NKAIN1: variants seen among roughly 807,000 people sequenced by gnomAD.
NKAIN1 encodes sodium/potassium transporting ATPase interacting 1, also known as sodium/potassium-transporting ATPase subunit beta-1-interacting protein 1.
In NKAIN1, 13 loss-of-function variants were observed where a neutral mutation model predicts 31.6. That is an observed-to-expected ratio of 0.41 (90% CI 0.27 to 0.65). NKAIN1 has a LOEUF of 0.65. NKAIN1 is among the 30% of genes least tolerant of loss of function. NKAIN1 has a pLI of 0.30. For missense variants in NKAIN1, 193 were observed against 262.2 expected (o/e 0.74, Z 1.82); for synonymous variants, 104 against 109.0 (o/e 0.95, Z 0.28).
intron 1 of NKAIN1, among the ~76,000 whole-genome samples, chr1:31,213,439 T>C (rs1214512308): frequency 1.3e-5 from 2 of 152,198 alleles, no homozygotes; most frequent in African/African-American, 4.8e-5. Flanking sequence ...CAAGTGTTGA[T>C]GATGCAGAGA....
chr1:31,186,630 A>G (rs1382162582), intron 2 of NKAIN1, among the ~76,000 whole-genome samples: 1 of 151,856 alleles, frequency 6.6e-6, no homozygotes, highest in African/African-American at 2.4e-5. Context: ...GGGTGAGCAG[A>G]CCAAACTGAG....
intron 1 of NKAIN1, among the ~76,000 whole-genome samples, chr1:31,215,236 G>C (rs1645501933): frequency 6.6e-6 from 1 of 152,214 alleles, no homozygotes; most frequent in South Asian, 2.1e-4. Flanking sequence ...AGTCTGCCTA[G>C]CAACAGCAGT....
In NKAIN1 at chr1:31,188,069, C is replaced by T. The variant is rs1316648068; in HGVS notation, c.173G>A (p.Arg58His). 1.9e-5 allele frequency: 30 copies of T among 1,553,354 alleles called. No individual in the cohort carries two copies. The highest frequency in any genetic ancestry group is 1.7e-4 in the Middle Eastern group (1 of 6,012). The change falls in exon 2 of 7, where the codon CGC (arginine) becomes CAC (histidine). Residue 58 changes from arginine to histidine, a missense_variant. By Grantham distance (29) the Arg-to-His change is conservative. Transcript: ENST00000373736. ...ILGIFGTVQY[R>H]SRYLILYAAW... Reference sequence around the variant, plus strand: ...CCGTACCAGGATGAGGTACCGGGAGCGGTACTGCACGGTGCCAAAGATGCC... The same window carrying T: ...CCGTACCAGGATGAGGTACCGGGAGTGGTACTGCACGGTGCCAAAGATGCC...
chr1:31,199,108 G>A (rs1645355596), intron 1 of NKAIN1, among the ~76,000 whole-genome samples: 1 of 152,216 alleles, frequency 6.6e-6, no homozygotes, highest in Non-Finnish European at 1.5e-5. Flanking sequence ...GGGGAAAGAT[G>A]AGGGATGGAC....
chr1:31,232,410 T>TAG (rs1645657430), intron 1 of NKAIN1, among the ~76,000 whole-genome samples: 1 of 33,218 alleles, frequency 3.0e-5, no homozygotes, highest in African/African-American at 8.6e-5. Flanking sequence ...TATATATATA[T>TAG]ATATATATAT....
At chr1:31,201,657 G>A (rs1471667653) in intron 1 of NKAIN1, among the ~76,000 whole-genome samples, 5 of 152,106 alleles carry the variant, frequency 3.3e-5, no homozygotes, top group African/African-American at 4.8e-5. Context: ...CACCGCGCCC[G>A]GCCAATCCTA....
At chr1:31,215,662 T>A (rs1300153092) in intron 1 of NKAIN1, among the ~76,000 whole-genome samples, 1 of 151,934 alleles carries the variant, frequency 6.6e-6, no homozygotes, top group Non-Finnish European at 1.5e-5. Flanking sequence ...TGGTAATCCA[T>A]CGTATATGAG....
chr1:31,198,853 A>T (rs1482432761), intron 1 of NKAIN1, among the ~76,000 whole-genome samples: 3 of 152,020 alleles, frequency 2.0e-5, no homozygotes, highest in African/African-American at 7.3e-5. Context: ...TCTAGACGCC[A>T]ACCCCAGGAG....
At chr1:31,204,309 T>A (rs778161554) in intron 1 of NKAIN1, among the ~76,000 whole-genome samples, 1 of 152,052 alleles carries the variant, frequency 6.6e-6, no homozygotes, top group Non-Finnish European at 1.5e-5. Context: ...AGGAGGAGGA[T>A]GGACTGGAAG....
chr1:31,201,811 G>A (rs922590193), intron 1 of NKAIN1, among the ~76,000 whole-genome samples: 3 of 152,126 alleles, frequency 2.0e-5, no homozygotes, highest in African/African-American at 7.2e-5. Context: ...TTGAGATTTG[G>A]CCGCCCAGCC....
Position 31,232,152 on chromosome 1 carries a change from C to T in NKAIN1, c.54+7342G>A, listed in dbSNP as rs188019908. On this transcript the variant is annotated intron_variant, in intron 1 of 6. Transcript: ENST00000373736. ...TGTTACCCAGGCTGGAGTGCAATGG[C>T]GTGATCTTGGCTTACCACAACATCT... Among the ~76,000 whole-genome samples the T allele has an allele frequency of 5.4e-4, 80 of 149,434 alleles. 1 individual carries two copies. The East Asian group carries it at 0.012, about 22-fold the overall frequency.
chr1:31,201,404 G>C (rs1270090289), intron 1 of NKAIN1, among the ~76,000 whole-genome samples: 1 of 150,530 alleles, frequency 6.6e-6, no homozygotes, highest in African/African-American at 2.4e-5. Context: ...TGTCGCCGAG[G>C]CTGGAGTGCA....
chr1:31,196,284 C>T lies in NKAIN1; in HGVS notation c.55-8097G>A, dbSNP rs536895879. Reference sequence around the variant, plus strand: ...ATCCCAGCACTTTGGGAGGCCGAGGCGGGTGGATCACGAGGTCAGGAGATC... The same window carrying T: ...ATCCCAGCACTTTGGGAGGCCGAGGTGGGTGGATCACGAGGTCAGGAGATC... On this transcript the variant is annotated intron_variant, in intron 1 of 6. Coordinates refer to ENST00000373736, the MANE Select transcript of NKAIN1 (RefSeq NM_024522.3). 5.3e-3 allele frequency among the ~76,000 whole-genome samples: 808 copies of T among 151,926 alleles called. 4 individuals are homozygous for T. The highest frequency in any genetic ancestry group is 0.018 in the African/African-American group (758 of 41,418).
intron 1 of NKAIN1, chr1:31,193,996 G>C (rs1361582473): frequency 1.3e-5 from 2 of 152,072 alleles, no homozygotes; most frequent in Non-Finnish European, 2.9e-5. Context: ...TTCGTTTGGA[G>C]ATATTTTTAC....
At chr1:31,197,958 T>A (rs1645344341) in intron 1 of NKAIN1, among the ~76,000 whole-genome samples, 1 of 152,144 alleles carries the variant, frequency 6.6e-6, no homozygotes, top group African/African-American at 2.4e-5. Context: ...CTTGGCTCAA[T>A]CCTCCCACCT....
At position 31,194,413 on chromosome 1, in the gene NKAIN1, C is replaced by CTT. The variant is rs1234303404; in HGVS notation, c.55-6228_55-6227dup. On this transcript the variant is annotated intron_variant, in intron 1 of 6. Transcript: ENST00000373736. ...TTTTTTTTCTTTCCTTCCTTCCTTC[C>CTT]TTTTTTTTTTTTTTTTTGGAGTTTC... Among the ~76,000 whole-genome samples the CTT allele has an allele frequency of 4.1e-3, 530 of 130,646 alleles. 7 individuals carry two copies. The highest frequency in any genetic ancestry group is 0.013 in the African/African-American group (469 of 35,526). The allele number at this position is 130,646 out of a possible 152,430, so 85.7% of individuals were successfully genotyped here.
chr1:31,226,328 C>T (rs1200297685), intron 1 of NKAIN1, among the ~76,000 whole-genome samples: 1 of 147,684 alleles, frequency 6.8e-6, no homozygotes, highest in Non-Finnish European at 1.5e-5. Context: ...AAAAAAAATC[C>T]TGTAAAAACA....
intron 1 of NKAIN1, among the ~76,000 whole-genome samples, chr1:31,197,545 C>CATTTTTT: frequency 9.0e-6 from 1 of 111,402 alleles, no homozygotes. Flanking sequence ...CGTGCCCGGC[C>CATTTTTT]TTTTTTTTTT....
intron 1 of NKAIN1, among the ~76,000 whole-genome samples, chr1:31,235,501 G>C (rs1042254664): frequency 2.6e-5 from 4 of 152,066 alleles, no homozygotes; most frequent in Admixed American, 2.6e-4. Flanking sequence ...GATCACTTGA[G>C]CTCAGGGATT....
Sources: allele counts gnomAD v4.1 joint callset (sites outside exome capture counted in the v4.1 genomes callset), GRCh38; gene constraint gnomAD v4.1.1; transcripts MANE v1.5; gene names NCBI Gene and HGNC (gene_info 2026-07-23, HGNC 2026-07-21).